Variants in PCDHGA3 observed in about 807,000 individuals in gnomAD.
The protein encoded by PCDHGA3 is protocadherin gamma-A3.
Under a neutral mutation model 58.5 loss-of-function variants are expected in PCDHGA3, and 40 were observed. That is an observed-to-expected ratio of 0.68 (90% CI 0.53 to 0.89). PCDHGA3 has a LOEUF of 0.89. Ranked by LOEUF, PCDHGA3 falls within the 40% of genes least tolerant of loss-of-function variation. The pLI is 0.00. For synonymous variants in PCDHGA3, 530 were observed against 525.7 expected (o/e 1.01, Z -0.11); for missense variants, 1,223 against 1,195.9 (o/e 1.02, Z -0.33).
chr5:141,477,634 G>C lies in PCDHGA3; in HGVS notation c.2425-17173G>C. 2 of 1,614,176 alleles carry C rather than the reference G, an allele frequency of 1.2e-6. No individual in the cohort carries two copies. Among genetic ancestry groups the C allele is most frequent in the Non-Finnish European group, 1.7e-6 (2 of 1,180,034 alleles). On this transcript the variant is annotated intron_variant, in intron 1 of 3. Transcript: ENST00000253812. This position sits in a 1 kb window ranked among gnomAD's most constrained non-coding sequence, Gnocchi z 4.9. Reference sequence around the variant, plus strand: ...AGCAAGGAGCTGAAACCGGGCTAGTGGGTCGCTATTTCACAATAAATCGTG... The same window carrying C: ...AGCAAGGAGCTGAAACCGGGCTAGTCGGTCGCTATTTCACAATAAATCGTG...
chr5:141,380,133 TA>T (rs926535688), intron 1 of PCDHGA3, among the ~76,000 whole-genome samples: 12 of 151,832 alleles, frequency 7.9e-5, no homozygotes, highest in African/African-American at 2.9e-4. Context: ...CTCCTGACCT[TA>T]AGTGATCCAC....
chr5:141,496,723 T>G (rs1312615861), intron 2 of PCDHGA3, among the ~76,000 whole-genome samples: 3 of 152,212 alleles, frequency 2.0e-5, no homozygotes, highest in Non-Finnish European at 4.4e-5. Context: ...AAGTCATTAA[T>G]GTATTCATTC....
At chr5:141,470,038 A>C (rs1256439782) in intron 1 of PCDHGA3, among the ~76,000 whole-genome samples, 1 of 152,204 alleles carries the variant, frequency 6.6e-6, no homozygotes, top group Non-Finnish European at 1.5e-5. Flanking sequence ...CTGAGGCGCG[A>C]GAACTGTTTG....
intron 1 of PCDHGA3, chr5:141,360,925 G>A: frequency 6.2e-7 from 1 of 1,614,018 alleles, no homozygotes; most frequent in Non-Finnish European, 8.5e-7. Context: ...TGTGCTTCAA[G>A]TGACAGCCAC....
chr5:141,396,829 A>G (rs1216305888), intron 1 of PCDHGA3, among the ~76,000 whole-genome samples: 1 of 152,206 alleles, frequency 6.6e-6, no homozygotes, highest in African/African-American at 2.4e-5. Context: ...GTGCATATTC[A>G]GTGGAGTGGG....
At position 141,477,217 on chromosome 5, in the gene PCDHGA3, G is replaced by T. The variant is rs745497348; in HGVS notation, c.2425-17590G>T. On this transcript the variant is annotated intron_variant, in intron 1 of 3. Transcript: ENST00000253812. This position sits in a 1 kb window ranked among gnomAD's most constrained non-coding sequence, Gnocchi z 4.9. ...GCCCAGTACCCGAGGATGCCCCTCTGGGGACTGTCATCGCTTTGCTCAGTG... is the reference window on the plus strand; with the variant it reads ...GCCCAGTACCCGAGGATGCCCCTCTTGGGACTGTCATCGCTTTGCTCAGTG... The T allele has an allele frequency of 8.1e-6, 13 of 1,614,178 alleles. No homozygotes were observed. The African/African-American group carries it at 1.7e-4, about 22-fold the overall frequency.
intron 1 of PCDHGA3, chr5:141,379,313 A>C (rs1053297201): frequency 4.6e-5 from 7 of 152,264 alleles, no homozygotes; most frequent in African/African-American, 1.7e-4. Flanking sequence ...CCTAAACAAG[A>C]GATCTAATCA....
At chr5:141,499,186 T>A (rs1332703037) in intron 2 of PCDHGA3, among the ~76,000 whole-genome samples, 2 of 152,036 alleles carry the variant, frequency 1.3e-5, no homozygotes, top group Non-Finnish European at 2.9e-5. Context: ...AGCAAACCAT[T>A]TCCCCCTTCT....
intron 1 of PCDHGA3, chr5:141,422,812 T>C: frequency 6.2e-7 from 1 of 1,614,206 alleles, no homozygotes; most frequent in South Asian, 1.1e-5. Context: ...GTTTCGAGAC[T>C]TAGAACTGAG....
intron 1 of PCDHGA3, among the ~76,000 whole-genome samples, chr5:141,370,010 TAAC>T (rs1460058955): frequency 6.6e-6 from 1 of 152,172 alleles, no homozygotes; most frequent in African/African-American, 2.4e-5. Context: ...TTAAAAGAAA[TAAC>T]AGACTAAAGA....
At chr5:141,475,217 A>G (rs1053906682) in intron 1 of PCDHGA3, among the ~76,000 whole-genome samples, 4 of 152,196 alleles carry the variant, frequency 2.6e-5, no homozygotes, top group Non-Finnish European at 5.9e-5. Flanking sequence ...AGGATTGATC[A>G]AGTAAAGGGA....
chr5:141,366,430 C>T (rs753944795), intron 1 of PCDHGA3: 6 of 1,614,174 alleles, frequency 3.7e-6, no homozygotes, highest in Non-Finnish European at 4.2e-6. Context: ...TGGCTGCAGT[C>T]TCCTGCGTCT....
chr5:141,418,902 T>A, intron 1 of PCDHGA3: 3 of 1,613,930 alleles, frequency 1.9e-6, no homozygotes, highest in Non-Finnish European at 2.5e-6. Context: ...CCAGAAATAA[T>A]CATCACGTCA....
intron 1 of PCDHGA3, chr5:141,383,195 G>T: frequency 1.2e-6 from 2 of 1,614,044 alleles, no homozygotes; most frequent in Non-Finnish European, 1.7e-6. Flanking sequence ...TGCGCTCAGA[G>T]TGCGCGGTGT....
intron 3 of PCDHGA3, among the ~76,000 whole-genome samples, chr5:141,510,566 A>G (rs2154594633): frequency 6.6e-6 from 1 of 152,288 alleles, no homozygotes; most frequent in South Asian, 2.1e-4. Flanking sequence ...TACATCTACC[A>G]GGCACTATTT....
chr5:141,473,299 G>T (rs182316672), intron 1 of PCDHGA3, among the ~76,000 whole-genome samples: 5 of 152,228 alleles, frequency 3.3e-5, no homozygotes, highest in Admixed American at 1.3e-4. Flanking sequence ...GTAGCATAAA[G>T]ATTGCTATAT....
intron 1 of PCDHGA3, chr5:141,365,297 G>T (rs538677777): frequency 6.2e-7 from 1 of 1,613,896 alleles, no homozygotes; most frequent in Non-Finnish European, 8.5e-7. Flanking sequence ...GGTAGCTCAG[G>T]ATGGAGGCGC....
intron 1 of PCDHGA3, chr5:141,428,826 A>G (rs190740602): frequency 1.3e-5 from 2 of 149,304 alleles, no homozygotes; most frequent in South Asian, 2.1e-4. Context: ...GCTTTCATGT[A>G]TTTTTGAAAC....
At chr5:141,398,580 A>G in intron 1 of PCDHGA3, 1 of 1,614,044 alleles carries the variant, frequency 6.2e-7, no homozygotes, top group Non-Finnish European at 8.5e-7. Context: ...CTGGCACAAG[A>G]TTTATACTAG....
Sources: gnomAD v4.1 joint callset for allele counts (sites outside exome capture counted in the v4.1 genomes callset) on GRCh38, gnomAD v4.1.1 for gene constraint, Gnocchi (gnomAD v3.1) non-coding constraint, MANE v1.5 for transcripts, NCBI Gene and HGNC (gene_info 2026-07-23, HGNC 2026-07-21) for gene names.